Variants in HPSE2 observed in about 807,000 individuals in gnomAD.
HPSE2 encodes heparanase 2 (inactive).
Under a neutral mutation model 60.5 loss-of-function variants are expected in HPSE2, and 38 were observed. The ratio of observed to expected loss-of-function variants is 0.63; its 90% CI spans 0.48 to 0.82. The LOEUF is 0.82. Ranked by LOEUF, HPSE2 falls within the 40% of genes least tolerant of loss-of-function variation. HPSE2 has a pLI of 0.00. For synonymous variants in HPSE2, 295 were observed against 293.2 expected (o/e 1.01, Z -0.06); for missense variants, 713 against 740.4 (o/e 0.96, Z 0.43).
intron 3 of HPSE2, among the ~76,000 whole-genome samples, chr10:98,751,834 T>C (rs1354833753): frequency 6.6e-6 from 1 of 152,198 alleles, no homozygotes; most frequent in Non-Finnish European, 1.5e-5. Context: ...ACATCTTAAG[T>C]ATTGAGCTAT....
At chr10:98,894,134 G>T (rs2134948693) in intron 3 of HPSE2, among the ~76,000 whole-genome samples, 1 of 152,208 alleles carries the variant, frequency 6.6e-6, no homozygotes, top group African/African-American at 2.4e-5. Flanking sequence ...GTCATAGATT[G>T]CTGGTGCCCA....
chr10:98,558,534 A>G (rs983884146), intron 9 of HPSE2, among the ~76,000 whole-genome samples: 2 of 152,232 alleles, frequency 1.3e-5, no homozygotes, highest in African/African-American at 4.8e-5. Flanking sequence ...GATTCCATTT[A>G]TAGAGTATAA....
chr10:99,258,138 C>A, the HPSE2 span, among the ~76,000 whole-genome samples: 3 of 148,648 alleles, frequency 2.0e-5, no homozygotes, highest in African/African-American at 7.4e-5. Context: ...CAGACTGCAT[C>A]TCAAAAAAAA....
chr10:99,169,192 C>CAAA (rs751491579), intron 2 of HPSE2, among the ~76,000 whole-genome samples: 6 of 50,508 alleles, frequency 1.2e-4, no homozygotes, highest in African/African-American at 1.6e-4. Flanking sequence ...GACTCCGTCT[C>CAAA]AAAAAAAAAA....
At chr10:99,073,264 G>A (rs1003863044) in intron 3 of HPSE2, among the ~76,000 whole-genome samples, 1 of 152,132 alleles carries the variant, frequency 6.6e-6, no homozygotes, top group South Asian at 2.1e-4. Flanking sequence ...AGAAAATGTG[G>A]TAGAGATACA....
At chr10:98,538,910 T>C (rs1943373408) in intron 9 of HPSE2, among the ~76,000 whole-genome samples, 1 of 152,168 alleles carries the variant, frequency 6.6e-6, no homozygotes, top group African/African-American at 2.4e-5. Context: ...AAGACACTGA[T>C]GGGGCCATAG....
chr10:98,627,144 T>C (rs1286411979), intron 7 of HPSE2, among the ~76,000 whole-genome samples: 1 of 152,132 alleles, frequency 6.6e-6, no homozygotes, highest in East Asian at 1.9e-4. Flanking sequence ...AGAAAACGGT[T>C]GGATTTATAA....
chr10:98,558,923 G>C (rs1264271147), intron 9 of HPSE2, among the ~76,000 whole-genome samples: 3 of 152,198 alleles, frequency 2.0e-5, no homozygotes, highest in Non-Finnish European at 4.4e-5. Context: ...GTACCCTTGA[G>C]ATAGGGTATA....
intron 3 of HPSE2, among the ~76,000 whole-genome samples, chr10:98,820,456 G>A (rs184184164): frequency 6.6e-6 from 1 of 152,232 alleles, no homozygotes; most frequent in African/African-American, 2.4e-5. Context: ...AAAGGAGATA[G>A]GGGCTGGCAG....
intron 9 of HPSE2, among the ~76,000 whole-genome samples, chr10:98,600,695 T>C (rs944878604): frequency 6.6e-6 from 1 of 151,584 alleles, no homozygotes; most frequent in African/African-American, 2.4e-5. Context: ...TTAGTCATAG[T>C]TCTCCAGAGA....
At chr10:98,831,954 A>G (rs1222254473) in intron 3 of HPSE2, among the ~76,000 whole-genome samples, 1 of 152,212 alleles carries the variant, frequency 6.6e-6, no homozygotes, top group African/African-American at 2.4e-5. Flanking sequence ...GAGGTTGGAT[A>G]ATGACCGCTG....
chr10:98,871,087 T>C (rs1952719566), intron 3 of HPSE2, among the ~76,000 whole-genome samples: 1 of 152,132 alleles, frequency 6.6e-6, no homozygotes, highest in Admixed American at 6.6e-5. Context: ...ACTATGCTTC[T>C]TGTACAGCCT....
chr10:99,160,898 C>CAAAAA lies in HPSE2; in HGVS notation c.449-16504_449-16500dup, dbSNP rs60506210. ...TGGGCGACACAGCGAGACTCCGTCT[C>CAAAAA]AAAAAAAAAAAAAAAAAAAAAAGAT... On this transcript the variant is annotated intron_variant, in intron 2 of 11. Coordinates refer to ENST00000370552, the MANE Select transcript of HPSE2 (RefSeq NM_021828.5). Among the ~76,000 whole-genome samples the CAAAAA allele has an allele frequency of 2.5e-3, 137 of 55,126 alleles. 1 individual carries two copies. Among genetic ancestry groups the CAAAAA allele is most frequent in the South Asian group, 3.2e-3 (3 of 930 alleles). The allele number at this position is 55,126 out of a possible 152,430, so 36.2% of individuals were successfully genotyped here.
chr10:98,919,333 A>C, intron 3 of HPSE2, among the ~76,000 whole-genome samples: 1 of 152,166 alleles, frequency 6.6e-6, no homozygotes, highest in Non-Finnish European at 1.5e-5. Flanking sequence ...GACATAGATA[A>C]ATTCATGAAA....
Position 98,457,846 on chromosome 10 carries a change from G to C in HPSE2, c.*1728C>G, listed in dbSNP as rs922768883. The C allele has an allele frequency of 1.3e-5, 2 of 152,332 alleles. No individual in the cohort carries two copies. Among genetic ancestry groups the C allele is most frequent in the African/African-American group, 4.8e-5 (2 of 41,396 alleles). The allele number at this position is 152,332 out of a possible 1,614,324, so 9.4% of individuals were successfully genotyped here. ...AGGGTCTGCCCCTCTCTCTCCAGTT[G>C]CTTCCATGCTGAGCACAGCCACTGA... On this transcript the variant is annotated 3_prime_UTR_variant, in exon 12 of 12. Coordinates refer to ENST00000370552, the MANE Select transcript of HPSE2 (RefSeq NM_021828.5).
chr10:99,304,217 C>A, the HPSE2 span, among the ~76,000 whole-genome samples: 3 of 152,354 alleles, frequency 2.0e-5, no homozygotes, highest in Admixed American at 6.5e-5. Flanking sequence ...ATCAGACATG[C>A]CTACCAGCCT....
chr10:98,598,899 G>A (rs1290901144), intron 9 of HPSE2, among the ~76,000 whole-genome samples: 1 of 152,086 alleles, frequency 6.6e-6, no homozygotes, highest in Non-Finnish European at 1.5e-5. Flanking sequence ...CTGGCCTGAA[G>A]CCTGGGTCCA....
intron 3 of HPSE2, among the ~76,000 whole-genome samples, chr10:98,986,328 A>T (rs969312391): frequency 1.2e-4 from 18 of 152,104 alleles, no homozygotes; most frequent in Non-Finnish European, 2.6e-4. Flanking sequence ...AGAACTCAGG[A>T]TTAAGAAACT....
chr10:99,070,815 A>T (rs1842764237), intron 3 of HPSE2, among the ~76,000 whole-genome samples: 1 of 152,280 alleles, frequency 6.6e-6, no homozygotes. Context: ...AGTTTCATCC[A>T]TGTTGCTGCA....
Sources: allele counts gnomAD v4.1 joint callset (sites outside exome capture counted in the v4.1 genomes callset), GRCh38; gene constraint gnomAD v4.1.1; transcripts MANE v1.5; gene names NCBI Gene and HGNC (gene_info 2026-07-23, HGNC 2026-07-21).